ZNF708: variants seen among roughly 807,000 people sequenced by gnomAD.
The protein encoded by ZNF708 is zinc finger protein 708, also known as ZNF15, ZNF15L1.
Under a neutral mutation model 47.0 loss-of-function variants are expected in ZNF708, and 44 were observed. That is an observed-to-expected ratio of 0.94 (90% CI 0.74 to 1.20). The LOEUF is 1.20. Among genes scored for constraint, ZNF708 ranks in the 50% most tolerant of loss-of-function variants. The pLI, the probability that ZNF708 is intolerant of heterozygous loss-of-function variation, is 0.00. For missense variants in ZNF708, 557 were observed against 656.0 expected, an observed-to-expected ratio of 0.85 and a Z score of 1.65; for synonymous variants, 184 against 218.5, an observed-to-expected ratio of 0.84 and a Z score of 1.39.
intron 3 of ZNF708, among the ~76,000 whole-genome samples, chr19:21,304,988 G>A (rs965131461): frequency 6.6e-6 from 1 of 151,890 alleles, no homozygotes; most frequent in Non-Finnish European, 1.5e-5. Flanking sequence ...CAAAAATATA[G>A]GAAATTAAAA....
At chr19:21,316,133 C>CTTTTTTTTTTTTTTTTT (rs544312163) in intron 1 of ZNF708, among the ~76,000 whole-genome samples, 1 of 105,486 alleles carries the variant, frequency 9.5e-6, no homozygotes, top group Non-Finnish European at 1.8e-5. Context: ...TTTCTTTTTT[C>CTTTTTTTTTTTTTTTTT]TTTTTTTTTT....
At chr19:21,306,995 T>TAACATAA (rs1972781465) in intron 3 of ZNF708, 1 of 136,318 alleles carries the variant, frequency 7.3e-6, no homozygotes, top group African/African-American at 2.8e-5. Context: ...TAACATAACA[T>TAACATAA]AACATAACAT....
chr19:21,324,986 A>C (rs1973226977), intron 1 of ZNF708, among the ~76,000 whole-genome samples: 1 of 152,152 alleles, frequency 6.6e-6, no homozygotes, highest in African/African-American at 2.4e-5. Flanking sequence ...TTTTCTTGGT[A>C]GCATTCTTAA....
intron 1 of ZNF708, among the ~76,000 whole-genome samples, chr19:21,317,968 C>T (rs985383148): frequency 6.6e-6 from 1 of 152,148 alleles, no homozygotes; most frequent in African/African-American, 2.4e-5. Flanking sequence ...AAAGCAATGG[C>T]TCTCTATGTT....
chr19:21,318,172 G>A (rs537039942), intron 1 of ZNF708: 2 of 152,324 alleles, frequency 1.3e-5, no homozygotes, highest in East Asian at 3.9e-4. Context: ...TGGTACAGGA[G>A]AGCCTACAGG....
At position 21,310,558 on chromosome 19, in the gene ZNF708, G is replaced by C; in HGVS notation, c.73C>G (p.Gln25Glu). 6.6e-7 allele frequency: 1 copy of C among 1,520,802 alleles called. No individual in the cohort carries two copies. Among genetic ancestry groups the C allele is most frequent in the Non-Finnish European group, 8.8e-7 (1 of 1,131,408 alleles). 94.2% of individuals were successfully genotyped at this position (1,520,802 alleles called of 1,614,324 possible). The change falls in exon 2 of 4, where the codon CAG becomes GAG. Residue 25 changes from glutamine to glutamate, a missense_variant. Gln to Glu is a conservative substitution (Grantham distance 29, BLOSUM62 2). Transcript: ENST00000356929. ...LEEWQCLDTA[Q>E]QNLYRNVMLE... ...ATGACATTCCTATATAAATTCTGCT[G>C]TGCTGTGTCCAGGCACTGCCACTCC...
chr19:21,321,307 G>T (rs1208100309), intron 1 of ZNF708, among the ~76,000 whole-genome samples: 9 of 152,078 alleles, frequency 5.9e-5, no homozygotes, highest in Non-Finnish European at 1.0e-4. Context: ...AACAAAGAGG[G>T]TGTGGGCATT....
In ZNF708 at chr19:21,300,710, G is replaced by C. The variant is rs141124336; in HGVS notation, c.227-5971C>G. 5.0e-3 allele frequency among the ~76,000 whole-genome samples: 760 copies of C among 151,578 alleles called. 3 individuals are homozygous for C. Among genetic ancestry groups the C allele is most frequent in the Middle Eastern group, 0.034 (10 of 294 alleles). On this transcript the variant is annotated intron_variant, in intron 3 of 3. Coordinates refer to ENST00000356929, the MANE Select transcript of ZNF708 (RefSeq NM_021269.3). ...GAGTCTCGCTCTGTCTCCCAGGCTGGAGTGCAGTGGCACCATCTCGGCTCA... is the reference window on the plus strand; with the variant it reads ...GAGTCTCGCTCTGTCTCCCAGGCTGCAGTGCAGTGGCACCATCTCGGCTCA...
At position 21,329,401 on chromosome 19, in the gene ZNF708, G is replaced by T; in HGVS notation, c.-189C>A. 1.3e-6 allele frequency: 1 copy of T among 787,588 alleles called. No individual in the cohort carries two copies. The highest frequency in any genetic ancestry group is 2.0e-6 in the Non-Finnish European group (1 of 493,826). 48.8% of individuals were successfully genotyped at this position (787,588 alleles called of 1,614,324 possible). ...AAGCCGCCCTGTCCGGTCCAGCTGC[G>T]TGTCTGAGTGAACTGTCCCCAGCTC... is the stretch of plus-strand genomic sequence containing the variant. On this transcript the variant is annotated 5_prime_UTR_variant, in exon 1 of 4. Transcript: ENST00000356929.
chr19:21,326,826 C>T (rs534650566), intron 1 of ZNF708, among the ~76,000 whole-genome samples: 3 of 152,098 alleles, frequency 2.0e-5, no homozygotes, highest in East Asian at 1.9e-4. Context: ...TCTAGCTACC[C>T]GGGAGGCTGA....
Position 21,293,100 on chromosome 19 carries a change from C to A in ZNF708, c.*174G>T, listed in dbSNP as rs947006852. On this transcript the variant is annotated 3_prime_UTR_variant, in exon 4 of 4. Transcript: ENST00000356929. ...ATTTAGGGACCAGTTAAATGCTTTGCCACATTCTTTACATTTGTAGGGTTT... is the reference window on the plus strand; with the variant it reads ...ATTTAGGGACCAGTTAAATGCTTTGACACATTCTTTACATTTGTAGGGTTT... The A allele has an allele frequency of 6.5e-6, 6 of 917,328 alleles. No homozygotes were observed. In the Admixed American group the frequency reaches 1.5e-4, roughly 22 times the overall value. 56.8% of individuals were successfully genotyped at this position (917,328 alleles called of 1,614,324 possible).
intron 1 of ZNF708, among the ~76,000 whole-genome samples, chr19:21,323,625 G>C (rs1253162534): frequency 6.6e-6 from 1 of 152,154 alleles, no homozygotes; most frequent in African/African-American, 2.4e-5. Flanking sequence ...ATTCAACCTT[G>C]TTTTATTTTC....
Position 21,303,225 on chromosome 19 carries a change from C to T in ZNF708, c.226+6021G>A, listed in dbSNP as rs116818797. 2.9e-3 allele frequency among the ~76,000 whole-genome samples: 435 copies of T among 152,220 alleles called. 3 individuals carry two copies. The highest frequency in any genetic ancestry group is 9.8e-3 in the African/African-American group (407 of 41,546). ...CATGATCATGCCACTGAAAACCAGG[C>T]TGATTGACAGAGTGAAACCCTATTT... On this transcript the variant is annotated intron_variant, in intron 3 of 3. Coordinates refer to ENST00000356929, the MANE Select transcript of ZNF708 (RefSeq NM_021269.3).
intron 1 of ZNF708, among the ~76,000 whole-genome samples, chr19:21,324,306 G>A (rs1372222329): frequency 6.6e-6 from 1 of 152,024 alleles, no homozygotes; most frequent in Non-Finnish European, 1.5e-5. Context: ...AGTGGCTTAC[G>A]CCTGTAATCC....
At chr19:21,302,596 G>T (rs1972682304) in intron 3 of ZNF708, among the ~76,000 whole-genome samples, 1 of 152,068 alleles carries the variant, frequency 6.6e-6, no homozygotes, top group South Asian at 2.1e-4. Context: ...GTACTTGGGA[G>T]GCTGAGGCAG....
intron 1 of ZNF708, among the ~76,000 whole-genome samples, chr19:21,316,422 G>A (rs576573312): frequency 2.0e-4 from 30 of 152,070 alleles, no homozygotes; most frequent in African/African-American, 3.1e-4. Flanking sequence ...CAGTGGGCCC[G>A]GCAAAGTTTT....
chr19:21,315,115 G>C (rs868545282), intron 1 of ZNF708, among the ~76,000 whole-genome samples: 1 of 152,152 alleles, frequency 6.6e-6, no homozygotes, highest in Non-Finnish European at 1.5e-5. Context: ...TTGTGGTCTT[G>C]ATCTCTCACT....
intron 1 of ZNF708, among the ~76,000 whole-genome samples, chr19:21,313,119 A>C (rs1972933888): frequency 1.8e-5 from 1 of 55,418 alleles, no homozygotes; most frequent in Non-Finnish European, 4.0e-5. Flanking sequence ...TCTACTAAAA[A>C]TACAAAAAAA....
intron 1 of ZNF708, among the ~76,000 whole-genome samples, chr19:21,310,922 T>C (rs1972886253): frequency 6.6e-6 from 1 of 152,190 alleles, no homozygotes; most frequent in South Asian, 2.1e-4. Context: ...TTGCTATATA[T>C]ACATCATACA....
Sources: allele counts gnomAD v4.1 joint callset (sites outside exome capture counted in the v4.1 genomes callset), GRCh38; gene constraint gnomAD v4.1.1; transcripts MANE v1.5; gene names NCBI Gene and HGNC (gene_info 2026-07-23, HGNC 2026-07-21).